Variants in RHBDL2 observed in about 807,000 individuals in gnomAD.
RHBDL2 encodes the protein rhomboid like 2.
RHBDL2 carries 26 observed loss-of-function variants against 31.7 expected under a neutral mutation model. The observed-to-expected ratio is 0.82, with a 90% CI of 0.60 to 1.14. RHBDL2 has a LOEUF of 1.14. Among genes scored for constraint, RHBDL2 ranks in the 50% most tolerant of loss-of-function variants. The probability of loss-of-function intolerance (pLI) is 0.00; values close to 1 mark genes in which losing one functional copy is unlikely to be tolerated. For synonymous variants in RHBDL2, 123 were observed against 127.2 expected (o/e 0.97, Z 0.22); for missense variants, 336 against 364.4 (o/e 0.92, Z 0.63).
chr1:38,931,419 G>A (rs951573828), intron 1 of RHBDL2, among the ~76,000 whole-genome samples: 4 of 152,080 alleles, frequency 2.6e-5, no homozygotes, highest in African/African-American at 9.7e-5. Context: ...TACTCGGAAG[G>A]CTGAGGCAGG....
At chr1:38,912,467 C>G (rs538186358) in intron 3 of RHBDL2, among the ~76,000 whole-genome samples, 4 of 151,836 alleles carry the variant, frequency 2.6e-5, no homozygotes, top group African/African-American at 9.7e-5. Context: ...TGCAGTGTCT[C>G]GATTTCGACT....
chr1:38,888,112 T>C, intron 6 of RHBDL2, 88 bp from the exon 7 acceptor site: 4 of 792,806 alleles, frequency 5.0e-6, no homozygotes, highest in Non-Finnish European at 2.1e-6. Context: ...ATAATAATAC[T>C]AGCTATCATT....
In RHBDL2 at chr1:38,886,336, G is replaced by C; in HGVS notation, c.*168C>G. 1 of 411,956 alleles carries C rather than the reference G, an allele frequency of 2.4e-6. No individual in the cohort carries two copies. Among genetic ancestry groups the C allele is most frequent in the Non-Finnish European group, 4.2e-6 (1 of 237,678 alleles). The allele number at this position is 411,956 out of a possible 1,614,324, so 25.5% of individuals were successfully genotyped here. ...AAGAAGCCCCTTCCTTAAATCCTAA[G>C]GTCCTTTTATAGGCAATCTTTGCAA... On this transcript the variant is annotated 3_prime_UTR_variant, in exon 8 of 8. Transcript: ENST00000372990.
At chr1:38,924,274 A>C (rs867579071) in intron 1 of RHBDL2, among the ~76,000 whole-genome samples, 8 of 151,946 alleles carry the variant, frequency 5.3e-5, no homozygotes, top group Admixed American at 1.3e-4. Context: ...ACATAGAAAG[A>C]TCCCACCTGG....
chr1:38,939,994 G>C (rs953477212), intron 1 of RHBDL2, among the ~76,000 whole-genome samples: 1 of 152,052 alleles, frequency 6.6e-6, no homozygotes, highest in Non-Finnish European at 1.5e-5. Context: ...CTAATACAGA[G>C]AAACTTGAAA....
intron 5 of RHBDL2, among the ~76,000 whole-genome samples, chr1:38,894,626 A>G (rs1204074661): frequency 6.6e-6 from 1 of 151,504 alleles, no homozygotes; most frequent in Non-Finnish European, 1.5e-5. Flanking sequence ...TGGCCTAGAA[A>G]TTTATCCTAC....
chr1:38,938,430 ATTT>A (rs1305569633), intron 1 of RHBDL2, among the ~76,000 whole-genome samples: 5 of 151,696 alleles, frequency 3.3e-5, no homozygotes, highest in Non-Finnish European at 7.4e-5. Context: ...ATTTCTTTCC[ATTT>A]CCCCAAATAT....
chr1:38,891,279 A>AAAG (rs1490277531), intron 6 of RHBDL2, among the ~76,000 whole-genome samples: 62 of 151,440 alleles, frequency 4.1e-4, no homozygotes, highest in African/African-American at 1.4e-3. Context: ...AAAAAAAAAA[A>AAAG]AAGAAGAATA....
chr1:38,893,364 C>A, intron 5 of RHBDL2, 140 bp from the exon 6 acceptor site: 1 of 511,534 alleles, frequency 2.0e-6, no homozygotes, highest in Non-Finnish European at 3.6e-6. Context: ...AGTGTCACAG[C>A]CGAGTTTTTA....
At chr1:38,896,580 T>C (rs1284007522) in intron 4 of RHBDL2, among the ~76,000 whole-genome samples, 1 of 152,218 alleles carries the variant, frequency 6.6e-6, no homozygotes, top group Non-Finnish European at 1.5e-5. Context: ...CTAATATTAT[T>C]GCAAAATATC....
At chr1:38,913,489 T>C (rs532741830) in intron 3 of RHBDL2, 1 of 151,926 alleles carries the variant, frequency 6.6e-6, no homozygotes, top group East Asian at 1.9e-4. Flanking sequence ...AAAAGTGTCA[T>C]CCTTTCTATT....
chr1:38,930,752 C>T (rs12042694), intron 1 of RHBDL2, among the ~76,000 whole-genome samples: 57,253 of 152,040 alleles, frequency 0.38, 11,700 homozygotes, highest in East Asian at 0.7. Flanking sequence ...GACAGTTGGC[C>T]CAGGCCCTTA....
intron 1 of RHBDL2, among the ~76,000 whole-genome samples, chr1:38,920,097 T>C (rs942087253): frequency 9.9e-5 from 15 of 151,900 alleles, no homozygotes; most frequent in African/African-American, 3.4e-4. Flanking sequence ...TTCACATAAA[T>C]GAAATCATAC....
chr1:38,928,435 C>T (rs1261923170), intron 1 of RHBDL2, among the ~76,000 whole-genome samples: 36 of 55,996 alleles, frequency 6.4e-4, no homozygotes, highest in African/African-American at 2.5e-3. Context: ...AGCCACGGCG[C>T]CCGGCCATGT....
chr1:38,937,179 C>A lies in RHBDL2; in HGVS notation c.-126+4503G>T, dbSNP rs151291269. On this transcript the variant is annotated intron_variant, in intron 1 of 7. Transcript: ENST00000372990. Reference sequence around the variant, plus strand: ...AGCCAGGATGTCTCAATCTCCTGACCTTGTGATCCACCCGCCTCGGCCTCT... The same window carrying A: ...AGCCAGGATGTCTCAATCTCCTGACATTGTGATCCACCCGCCTCGGCCTCT... Among the ~76,000 whole-genome samples the A allele has an allele frequency of 4.0e-3, 613 of 152,118 alleles. 4 individuals carry two copies. The highest frequency in any genetic ancestry group is 0.014 in the African/African-American group (598 of 41,504).
At chr1:38,894,314 TTTGTTG>T (rs370276049) in intron 5 of RHBDL2, among the ~76,000 whole-genome samples, 2,851 of 151,858 alleles carry the variant, frequency 0.019, 100 homozygotes, top group African/African-American at 0.065. Context: ...TACCTAGAAT[TTTGTTG>T]TTGTTGTTGT....
intron 1 of RHBDL2, among the ~76,000 whole-genome samples, chr1:38,921,197 C>T (rs1337162272): frequency 6.6e-6 from 1 of 152,146 alleles, no homozygotes; most frequent in African/African-American, 2.4e-5. Context: ...GACTGGCCAA[C>T]CTGGTGAAAC....
At chr1:38,922,397 A>C (rs2124343053) in intron 1 of RHBDL2, among the ~76,000 whole-genome samples, 2 of 95,090 alleles carry the variant, frequency 2.1e-5, no homozygotes, top group Admixed American at 1.2e-4. Flanking sequence ...CCTCCCAAGT[A>C]GCTGGGACTG....
Position 38,927,156 on chromosome 1 carries a change from G to A in RHBDL2, c.-125-7819C>T, listed in dbSNP as rs543944650. Among the ~76,000 whole-genome samples, 5 of 152,114 alleles carry A rather than the reference G, an allele frequency of 3.3e-5. No homozygotes were observed. In the East Asian group the frequency reaches 7.8e-4, roughly 24 times the overall value. On this transcript the variant is annotated intron_variant, in intron 1 of 7. Transcript: ENST00000372990. The stretch of plus-strand genomic sequence containing the variant: ...AAGAGCCTTCTACCGGGCAGGGCGC[G>A]GTGGCTCACGCCTGTAATCCCAGCA...
Sources: allele counts gnomAD v4.1 joint callset (sites outside exome capture counted in the v4.1 genomes callset), GRCh38; gene constraint gnomAD v4.1.1; transcripts MANE v1.5; gene names NCBI Gene and HGNC (gene_info 2026-07-23, HGNC 2026-07-21).